The following TAS2R1 variants were observed in gnomAD, a reference collection of about 807,000 sequenced individuals.
The protein encoded by TAS2R1 is taste receptor type 2 member 1.
For synonymous variants in TAS2R1, 141 were observed against 134.2 expected, an observed-to-expected ratio of 1.05 and a Z score of -0.35; for missense variants, 370 against 353.4, an observed-to-expected ratio of 1.05 and a Z score of -0.38.
chr5:9,754,361 CCT>C, the TAS2R1 span, among the ~76,000 whole-genome samples: 8 of 152,080 alleles, frequency 5.3e-5, no homozygotes, highest in African/African-American at 1.9e-4. Context: ...ACAGGGATGC[CCT>C]CTCTCACCAC....
chr5:9,661,947 G>A (rs527288890), intron 1 of TAS2R1, among the ~76,000 whole-genome samples: 4 of 152,156 alleles, frequency 2.6e-5, no homozygotes, highest in Non-Finnish European at 5.9e-5. Context: ...TGTTTGGAGT[G>A]GATTTGGCTA....
chr5:9,725,367 T>C, the TAS2R1 span, among the ~76,000 whole-genome samples: 1 of 152,186 alleles, frequency 6.6e-6, no homozygotes, highest in Non-Finnish European at 1.5e-5. Context: ...GTGGGAGTTC[T>C]GGGTAGGCAT....
At chr5:9,871,709 G>T in the TAS2R1 span, among the ~76,000 whole-genome samples, 120 of 152,286 alleles carry the variant, frequency 7.9e-4, 2 homozygotes, top group South Asian at 0.024. Context: ...CCCAGACAAG[G>T]GGAGAACAGT....
At chr5:9,647,048 G>A (rs976488286) in intron 2 of TAS2R1, among the ~76,000 whole-genome samples, 3 of 152,114 alleles carry the variant, frequency 2.0e-5, no homozygotes, top group Non-Finnish European at 4.4e-5. Context: ...GTAAAGGATA[G>A]GGACTGTGAC....
At chr5:9,840,599 CTATATATTTT>C in the TAS2R1 span, among the ~76,000 whole-genome samples, 1 of 151,808 alleles carries the variant, frequency 6.6e-6, no homozygotes, top group Non-Finnish European at 1.5e-5. Context: ...CTATATATTC[CTATATATTTT>C]AGATCCCAAG....
chr5:9,886,278 G>C, the TAS2R1 span, among the ~76,000 whole-genome samples: 1 of 151,014 alleles, frequency 6.6e-6, no homozygotes, highest in Non-Finnish European at 1.5e-5. Context: ...GCAATTCACC[G>C]GCCTCAGCCT....
the TAS2R1 span, among the ~76,000 whole-genome samples, chr5:9,762,614 CT>C: frequency 6.6e-6 from 1 of 152,192 alleles, no homozygotes; most frequent in Admixed American, 6.5e-5. Flanking sequence ...GTGTGAAAAT[CT>C]GCAATGATCT....
upstream of TAS2R1, chr5:9,713,869 C>A (rs1368112108): frequency 1.3e-5 from 2 of 152,190 alleles, no homozygotes; most frequent in Non-Finnish European, 2.9e-5. Context: ...GAAAGTAGAA[C>A]AATTAAAAAA....
chr5:9,882,642 A>C, the TAS2R1 span, among the ~76,000 whole-genome samples: 1 of 152,142 alleles, frequency 6.6e-6, no homozygotes, highest in South Asian at 2.1e-4. Flanking sequence ...ATATAAATAA[A>C]TTAATTAATA....
chr5:9,747,110 G>A, the TAS2R1 span, among the ~76,000 whole-genome samples: 1 of 152,180 alleles, frequency 6.6e-6, no homozygotes, highest in South Asian at 2.1e-4. Flanking sequence ...ATAGCTAAGA[G>A]AGAAGATTTC....
In TAS2R1 at chr5:9,627,912, T is replaced by C. The variant is rs1436923412; in HGVS notation, c.*1221A>G. 6.6e-6 allele frequency among the ~76,000 whole-genome samples: 1 copy of C among 152,156 alleles called. No homozygotes were observed. The highest frequency in any genetic ancestry group is 1.9e-4 in the East Asian group (1 of 5,184). On this transcript the variant is annotated 3_prime_UTR_variant, in exon 1 of 1. Coordinates refer to ENST00000382492, the MANE Select transcript of TAS2R1 (RefSeq NM_019599.3). Reference sequence around the variant, plus strand: ...GAAGCAAAATCCTTCATTGGTGTATTATAACCAGGCCTGCGTGGCTTGGGT... The same window carrying C: ...GAAGCAAAATCCTTCATTGGTGTATCATAACCAGGCCTGCGTGGCTTGGGT...
chr5:9,767,374 T>C, the TAS2R1 span, among the ~76,000 whole-genome samples: 1 of 152,166 alleles, frequency 6.6e-6, no homozygotes, highest in African/African-American at 2.4e-5. Context: ...GTTCACACAG[T>C]GAGCCTCGAA....
chr5:9,789,272 T>G, the TAS2R1 span, among the ~76,000 whole-genome samples: 1 of 152,222 alleles, frequency 6.6e-6, no homozygotes, highest in Non-Finnish European at 1.5e-5. Flanking sequence ...GCTTTAGATC[T>G]TCCTCTGCAG....
chr5:9,702,498 T>C (rs889998220), intron 1 of TAS2R1, among the ~76,000 whole-genome samples: 2 of 152,092 alleles, frequency 1.3e-5, no homozygotes, highest in Admixed American at 1.3e-4. Flanking sequence ...GGAAAATCTA[T>C]GTAGATCCTT....
At chr5:9,727,771 C>T in the TAS2R1 span, among the ~76,000 whole-genome samples, 3 of 152,100 alleles carry the variant, frequency 2.0e-5, no homozygotes, top group African/African-American at 2.4e-5. Context: ...GAAGTGTCTG[C>T]GTGGTCGGCT....
At chr5:9,895,112 C>A in the TAS2R1 span, among the ~76,000 whole-genome samples, 1 of 152,144 alleles carries the variant, frequency 6.6e-6, no homozygotes, top group Admixed American at 6.5e-5. Flanking sequence ...ATACCAAAGG[C>A]CTCGGCTTTC....
chr5:9,808,534 T>C, the TAS2R1 span, among the ~76,000 whole-genome samples: 3 of 152,172 alleles, frequency 2.0e-5, no homozygotes, highest in Non-Finnish European at 4.4e-5. Flanking sequence ...GTTTGGAAGA[T>C]AATATTAAGG....
the TAS2R1 span, among the ~76,000 whole-genome samples, chr5:9,768,914 A>T: frequency 6.6e-6 from 1 of 152,214 alleles, no homozygotes; most frequent in Non-Finnish European, 1.5e-5. Flanking sequence ...TTTTCTTTGT[A>T]TTACAAATGA....
the TAS2R1 span, among the ~76,000 whole-genome samples, chr5:9,879,360 G>T: frequency 6.6e-6 from 1 of 152,176 alleles, no homozygotes; most frequent in Non-Finnish European, 1.5e-5. Context: ...AGGAACACAT[G>T]CATTTCCATG....
Sources: gnomAD v4.1 joint callset for allele counts (sites outside exome capture counted in the v4.1 genomes callset) on GRCh38, gnomAD v4.1.1 for gene constraint, MANE v1.5 for transcripts, NCBI Gene and HGNC (gene_info 2026-07-23, HGNC 2026-07-21) for gene names.